DNAJA3: variants seen among roughly 807,000 people sequenced by gnomAD.
The protein encoded by DNAJA3 is dnaJ homolog subfamily A member 3, mitochondrial.
A neutral mutation model predicts 54.9 loss-of-function variants in DNAJA3; 29 were observed. The observed-to-expected ratio is 0.53, with a 90% confidence interval of 0.39 to 0.72. The LOEUF (loss-of-function observed/expected upper bound fraction) is 0.72. Ranked by LOEUF, DNAJA3 falls within the 30% of genes least tolerant of loss-of-function variation. The pLI is 0.00. For synonymous variants in DNAJA3, 302 were observed against 251.4 expected (o/e 1.20, Z -1.90); for missense variants, 708 against 639.4 (o/e 1.11, Z -1.16).
At position 4,425,924 on chromosome 16, in the gene DNAJA3, G is replaced by C; in HGVS notation, c.43G>C (p.Gly15Arg). 1 of 1,550,276 alleles carries C rather than the reference G, an allele frequency of 6.5e-7. No homozygotes were observed. Among genetic ancestry groups the C allele is most frequent in the South Asian group, 1.2e-5 (1 of 84,446 alleles). The change falls in exon 1 of 12, where the codon GGG becomes CGG. Residue 15 changes from glycine to arginine, a missense_variant. Gly to Arg is a moderately radical substitution (Grantham distance 125, BLOSUM62 -2). Transcript: ENST00000262375. The part of the protein sequence containing the change: ...CSTRWLLVVV[G>R]TPRLPAISGR... ...CACACGCTGGTTGCTGGTGGTTGTG[G>C]GGACCCCGCGGCTGCCGGCTATATC... is the stretch of plus-strand genomic sequence containing the variant.
chr16:4,448,928 T>TTACTGCTCCCTGTAAGTCAGG, intron 9 of DNAJA3, 80 bp downstream of exon 9: 1 of 1,047,648 alleles, frequency 9.5e-7, no homozygotes, highest in East Asian at 2.5e-5. Context: ...CTTGGGCAGG[T>TTACTGCTCCCTGTAAGTCAGG]TACTGCTCCC....
At chr16:4,438,400 T>G (rs578071287) in intron 3 of DNAJA3, among the ~76,000 whole-genome samples, 2 of 152,234 alleles carry the variant, frequency 1.3e-5, no homozygotes, top group South Asian at 2.1e-4. Context: ...GATTTGGGAA[T>G]TCACAGTTGG....
Position 4,446,982 on chromosome 16 carries a change from G to A in DNAJA3, c.1093G>A (p.Ala365Thr), listed in dbSNP as rs755806162. The change falls in exon 8 of 12, where the codon GCC becomes ACC. Residue 365 changes from alanine (A) to threonine (T), a missense_variant. Coordinates refer to ENST00000262375, the MANE Select transcript of DNAJA3 (RefSeq NM_005147.6). ...GGCTCTTCTTGGGGGTACAGCCAGA[G>A]CCCAGGGCCTGTACGAGACGATCAA... ...AQALLGGTAR[A>T]QGLYETINVT... The A allele has an allele frequency of 2.8e-5, 45 of 1,614,042 alleles. No individual in the cohort carries two copies. The East Asian group carries it at 8.2e-4, about 30-fold the overall frequency.
intron 10 of DNAJA3, 48 bp from the exon 11 acceptor site, chr16:4,454,763 T>TGG: frequency 6.9e-7 from 1 of 1,443,496 alleles, no homozygotes; most frequent in Non-Finnish European, 9.7e-7. Context: ...GATGTGACTG[T>TGG]GGAAGTGCAG....
At chr16:4,433,668 A>AAAAATATG (rs146112104) in intron 1 of DNAJA3, among the ~76,000 whole-genome samples, 4 of 152,188 alleles carry the variant, frequency 2.6e-5, no homozygotes, top group African/African-American at 9.6e-5. Flanking sequence ...AATGTGACAG[A>AAAAATATG]AAAATATGAA....
At chr16:4,445,252 A>C (rs1952242919) in intron 7 of DNAJA3, among the ~76,000 whole-genome samples, 2 of 152,210 alleles carry the variant, frequency 1.3e-5, no homozygotes, top group African/African-American at 2.4e-5. Context: ...TGGCTCAGTG[A>C]GCCGTGGTGG....
chr16:4,434,886 C>CTT (rs202179531), intron 2 of DNAJA3, among the ~76,000 whole-genome samples: 1,148 of 99,990 alleles, frequency 0.011, 76 homozygotes, highest in Admixed American at 0.021. Flanking sequence ...CCTTTCCTTT[C>CTT]TTTTTTTTTT....
chr16:4,437,601 C>A, intron 3 of DNAJA3, 116 bp downstream of exon 3: 1 of 747,214 alleles, frequency 1.3e-6, no homozygotes, highest in South Asian at 1.8e-5. Context: ...AAGGCCATGT[C>A]CCTGCGCCAA....
At chr16:4,439,234 G>T (rs1453478613) in intron 3 of DNAJA3, among the ~76,000 whole-genome samples, 4 of 151,932 alleles carry the variant, frequency 2.6e-5, no homozygotes, top group African/African-American at 7.3e-5. Flanking sequence ...GGTGGTGGGT[G>T]CCTGTAATCC....
At chr16:4,444,429 C>T (rs1438440687) in intron 6 of DNAJA3, among the ~76,000 whole-genome samples, 3 of 151,424 alleles carry the variant, frequency 2.0e-5, no homozygotes, top group African/African-American at 4.9e-5. Context: ...CTGCAACCTC[C>T]GCCTCCTGGG....
chr16:4,450,460 G>C lies in DNAJA3; in HGVS notation c.1302G>C (p.Val434=). The change falls in exon 10 of 12, where the codon GTG becomes GTC. Residue 434 remains valine, a synonymous_variant. Coordinates refer to ENST00000262375, the MANE Select transcript of DNAJA3 (RefSeq NM_005147.6). ...ILSYAEDETD[V]EGTVNGVTLT... ...GCTACGCCGAGGACGAGACAGATGT[G>C]GAGGGGACGGTGAACGGCGTCACCC... The C allele has an allele frequency of 6.2e-7, 1 of 1,612,146 alleles. No homozygotes were observed. The highest frequency in any genetic ancestry group is 8.5e-7 in the Non-Finnish European group (1 of 1,179,364).
rs572657209 is a variant in DNAJA3, at chr16:4,439,410, G to A, written c.429+1925G>A. On this transcript the variant is annotated intron_variant, in intron 3 of 11. Transcript: ENST00000262375. The stretch of plus-strand genomic sequence containing the variant: ...ACTCTGTTACCTAGGCTGGAGTGTA[G>A]TGGCGAGATCACAGCTCACTGCAGT... Among the ~76,000 whole-genome samples, 22 of 151,824 alleles carry A rather than the reference G, an allele frequency of 1.4e-4. No homozygotes were observed. In the East Asian group the frequency reaches 4.1e-3, roughly 28 times the overall value.
At chr16:4,443,740 G>A (rs1041067767) in intron 6 of DNAJA3, among the ~76,000 whole-genome samples, 4 of 151,410 alleles carry the variant, frequency 2.6e-5, no homozygotes, top group East Asian at 3.9e-4. Flanking sequence ...AGGCTGGAGC[G>A]CAGTGGCCCG....
intron 3 of DNAJA3, 65 bp from the exon 4 acceptor site, chr16:4,441,310 C>T (rs746356826): frequency 1.2e-5 from 18 of 1,456,052 alleles, no homozygotes; most frequent in Non-Finnish European, 1.7e-5. Context: ...TTGCTGTGAA[C>T]TCTTGTCTGT....
At chr16:4,450,218 T>G in intron 9 of DNAJA3, 182 bp from the exon 10 acceptor site, 1 of 546,652 alleles carries the variant, frequency 1.8e-6, no homozygotes, top group Non-Finnish European at 3.3e-6. Flanking sequence ...TAGGAGCTTT[T>G]CTGTACAGAA....
chr16:4,429,388 T>C (rs2056665447), intron 1 of DNAJA3, among the ~76,000 whole-genome samples: 1 of 152,078 alleles, frequency 6.6e-6, no homozygotes. Context: ...CACTCCCAGT[T>C]AATTTTTGTA....
At chr16:4,439,307 G>T (rs536201960) in intron 3 of DNAJA3, among the ~76,000 whole-genome samples, 2 of 149,914 alleles carry the variant, frequency 1.3e-5, no homozygotes, top group East Asian at 2.0e-4. Flanking sequence ...GTGAGCCGAA[G>T]ATTGCGCCAT....
At chr16:4,443,221 C>T (rs1206813059) in intron 6 of DNAJA3, 57 bp downstream of exon 6, 58 of 1,598,416 alleles carry the variant, frequency 3.6e-5, no homozygotes, top group Non-Finnish European at 4.9e-5. Flanking sequence ...AGGGTTGAGG[C>T]TACCACACCG....
intron 3 of DNAJA3, chr16:4,440,463 T>C (rs1050952628): frequency 1.3e-5 from 2 of 151,690 alleles, no homozygotes; most frequent in African/African-American, 4.8e-5. Context: ...TGGTGGTGCA[T>C]GTCTTTAGTC....
Sources: allele counts gnomAD v4.1 joint callset (sites outside exome capture counted in the v4.1 genomes callset), GRCh38; gene constraint gnomAD v4.1.1; transcripts MANE v1.5; gene names NCBI Gene and HGNC (gene_info 2026-07-23, HGNC 2026-07-21).